The following NTN4 variants were observed in gnomAD, a reference collection of about 807,000 sequenced individuals.
NTN4 encodes netrin 4, also known as netrin-4.
NTN4 carries 32 observed loss-of-function variants against 73.6 expected under a neutral mutation model. That is an observed-to-expected ratio of 0.44 (90% CI 0.33 to 0.58). NTN4 has a LOEUF of 0.58. NTN4 is among the 20% of genes least tolerant of loss of function. The pLI, the probability that NTN4 is intolerant of heterozygous loss-of-function variation, is 0.04. For missense variants in NTN4, 654 were observed against 798.3 expected, an observed-to-expected ratio of 0.82 and a Z score of 2.18; for synonymous variants, 258 against 287.5, an observed-to-expected ratio of 0.90 and a Z score of 1.04.
At chr12:95,736,180 C>G (rs1213441017) in intron 3 of NTN4, among the ~76,000 whole-genome samples, 4 of 152,036 alleles carry the variant, frequency 2.6e-5, no homozygotes, top group Non-Finnish European at 5.9e-5. Flanking sequence ...CTCAGGTGAT[C>G]CACCCGCCTT....
chr12:95,684,097 T>A (rs1434661181), intron 5 of NTN4, among the ~76,000 whole-genome samples: 1 of 152,104 alleles, frequency 6.6e-6, no homozygotes, highest in East Asian at 1.9e-4. Flanking sequence ...TAGGGCAGCA[T>A]CAGCTGTGGC....
intron 9 of NTN4, among the ~76,000 whole-genome samples, chr12:95,661,421 A>T (rs2078137047): frequency 6.6e-6 from 1 of 152,252 alleles, no homozygotes; most frequent in South Asian, 2.1e-4. Context: ...TCAGTTGGCG[A>T]TAAAGTCATT....
intron 3 of NTN4, among the ~76,000 whole-genome samples, chr12:95,726,576 T>G (rs994154073): frequency 5.3e-5 from 8 of 152,198 alleles, no homozygotes; most frequent in African/African-American, 1.9e-4. Flanking sequence ...CTATGAACAT[T>G]CATGTACAAG....
At chr12:95,726,635 A>G (rs1181216582) in intron 3 of NTN4, among the ~76,000 whole-genome samples, 1 of 152,146 alleles carries the variant, frequency 6.6e-6, no homozygotes, top group Non-Finnish European at 1.5e-5. Flanking sequence ...ACTGAGGGGT[A>G]GAATTGCTGG....
At chr12:95,726,951 C>T in intron 3 of NTN4, among the ~76,000 whole-genome samples, 1 of 149,904 alleles carries the variant, frequency 6.7e-6, no homozygotes, top group East Asian at 1.9e-4. Context: ...GCCTGGAAGA[C>T]AGAGCAAGAC....
intron 7 of NTN4, among the ~76,000 whole-genome samples, chr12:95,682,057 C>CTGTTTTTTTT (rs2078320353): frequency 4.6e-5 from 3 of 64,546 alleles, no homozygotes; most frequent in Non-Finnish European, 5.2e-5. Context: ...ATTCAGTAGG[C>CTGTTTTTTTT]TTTTTTTTTT....
At chr12:95,737,194 T>TA (rs774161082) in intron 3 of NTN4, among the ~76,000 whole-genome samples, 2 of 152,172 alleles carry the variant, frequency 1.3e-5, no homozygotes, top group Non-Finnish European at 2.9e-5. Flanking sequence ...ATCATCTCCC[T>TA]ATTCCTATGT....
chr12:95,787,876 GA>G lies in NTN4; in HGVS notation c.56-409del, dbSNP rs2079181472. Among the ~76,000 whole-genome samples, 4 of 152,182 alleles carry G rather than the reference GA, an allele frequency of 2.6e-5. No individual in the cohort carries two copies. The South Asian group carries it at 8.3e-4, about 32-fold the overall frequency. On this transcript the variant is annotated intron_variant, in intron 1 of 9. Coordinates refer to ENST00000343702, the MANE Select transcript of NTN4 (RefSeq NM_021229.4). The stretch of plus-strand genomic sequence containing the variant: ...ATGTGTTTTTGAAGTCATGACTATT[GA>G]AAAACCATAATGTTTTTAAGACCAC...
rs375433716 is a variant in NTN4 at position 95,735,865 on chromosome 12, A to T, written c.864+2001T>A. Among the ~76,000 whole-genome samples the T allele has an allele frequency of 5.3e-5, 8 of 151,890 alleles. No homozygotes were observed. The East Asian group carries it at 1.5e-3, about 29-fold the overall frequency. On this transcript the variant is annotated intron_variant, in intron 3 of 9. Coordinates refer to ENST00000343702, the MANE Select transcript of NTN4 (RefSeq NM_021229.4). ...TAGAGGACTTACTTTAAAAAAAGAA[A>T]GTAATACTTTTAAATGCCTGCTCAT...
intron 7 of NTN4, chr12:95,673,465 T>G (rs1489853118): frequency 5.5e-6 from 1 of 180,390 alleles, no homozygotes; most frequent in Admixed American, 5.5e-5. Flanking sequence ...TCCTCTGCTC[T>G]TCTGTAGTCA....
intron 5 of NTN4, among the ~76,000 whole-genome samples, chr12:95,709,565 G>T (rs2078547803): frequency 7.9e-6 from 1 of 126,500 alleles, no homozygotes; most frequent in Admixed American, 8.8e-5. Flanking sequence ...GAAAGGTTTG[G>T]CTCTATTGCT....
intron 7 of NTN4, among the ~76,000 whole-genome samples, chr12:95,679,517 C>T (rs895982675): frequency 1.3e-5 from 2 of 152,142 alleles, no homozygotes; most frequent in Non-Finnish European, 2.9e-5. Context: ...TTGTTTCCAA[C>T]TCCAACAATC....
chr12:95,748,065 A>G (rs1397056518), intron 2 of NTN4, among the ~76,000 whole-genome samples: 6 of 151,820 alleles, frequency 4.0e-5, no homozygotes, highest in Non-Finnish European at 8.8e-5. Flanking sequence ...CCCCATCTCT[A>G]CTAAAAATAC....
chr12:95,689,744 C>T (rs183533491), intron 5 of NTN4, among the ~76,000 whole-genome samples: 25 of 152,326 alleles, frequency 1.6e-4, no homozygotes, highest in Admixed American at 1.4e-3. Flanking sequence ...GACAGGTCCA[C>T]CTTATTTTAG....
intron 3 of NTN4, among the ~76,000 whole-genome samples, chr12:95,724,949 T>G (rs2121130194): frequency 6.6e-6 from 1 of 150,530 alleles, no homozygotes; most frequent in South Asian, 2.1e-4. Context: ...GGAACAGAAC[T>G]CCCAAGAGAT....
intron 3 of NTN4, among the ~76,000 whole-genome samples, chr12:95,727,812 A>T (rs2078706036): frequency 6.6e-6 from 1 of 152,222 alleles, no homozygotes; most frequent in African/African-American, 2.4e-5. Context: ...TTTTAGGTTC[A>T]GCTGGTCCAT....
At chr12:95,692,147 T>C (rs957035544) in intron 5 of NTN4, among the ~76,000 whole-genome samples, 2 of 152,072 alleles carry the variant, frequency 1.3e-5, no homozygotes, top group East Asian at 3.9e-4. Flanking sequence ...GTGATTCTCC[T>C]GCCCCAGCCT....
chr12:95,775,947 C>G (rs1179700658), intron 2 of NTN4, among the ~76,000 whole-genome samples: 2 of 152,248 alleles, frequency 1.3e-5, no homozygotes, highest in Admixed American at 1.3e-4. Flanking sequence ...CGGCCGGGTA[C>G]TCCTCTGAGA....
chr12:95,670,174 T>C, intron 7 of NTN4, 28 bp from the exon 8 acceptor site: 1 of 716,444 alleles, frequency 1.4e-6, no homozygotes, highest in Non-Finnish European at 2.1e-6. Flanking sequence ...AAAATGGTGT[T>C]AGTTATTAGA....
Sources: allele counts gnomAD v4.1 joint callset (sites outside exome capture counted in the v4.1 genomes callset), GRCh38; gene constraint gnomAD v4.1.1; transcripts MANE v1.5; gene names NCBI Gene and HGNC (gene_info 2026-07-23, HGNC 2026-07-21).